Variants in PCP4 observed in about 807,000 individuals in gnomAD.
The protein encoded by PCP4 is Purkinje cell protein 4.
A neutral mutation model predicts 10.0 loss-of-function variants in PCP4; 8 were observed. The observed-to-expected ratio is 0.80, with a 90% CI of 0.47 to 1.45. The LOEUF (loss-of-function observed/expected upper bound fraction) is 1.45, where lower values mean the gene tolerates loss of function less well. Among genes scored for constraint, PCP4 ranks in the 40% most tolerant of loss-of-function variants. The pLI, the probability that PCP4 is intolerant of heterozygous loss-of-function variation, is 0.00. For missense variants in PCP4, 54 were observed against 74.4 expected (o/e 0.73, Z 1.01); for synonymous variants, 21 against 23.0 (o/e 0.91, Z 0.24).
chr21:39,873,488 T>C lies in PCP4; in HGVS notation c.9+5978T>C, dbSNP rs559294345. The stretch of plus-strand genomic sequence containing the variant: ...TATTTGAAATAGGAATATATGAAAA[T>C]TTATATGCAAAAAGGGATGGATTCA... On this transcript the variant is annotated intron_variant, in intron 1 of 2. Coordinates refer to ENST00000328619, the MANE Select transcript of PCP4 (RefSeq NM_006198.3). Among the ~76,000 whole-genome samples the C allele has an allele frequency of 1.2e-4, 19 of 152,204 alleles. 1 individual carries two copies. In the East Asian group the frequency reaches 3.7e-3, roughly 29 times the overall value.
intron 1 of PCP4, among the ~76,000 whole-genome samples, chr21:39,883,967 T>C (rs1331997784): frequency 2.0e-5 from 3 of 152,186 alleles, no homozygotes; most frequent in African/African-American, 7.2e-5. Flanking sequence ...TATATTGTTA[T>C]TCTCATGTAA....
At position 39,912,978 on chromosome 21, in the gene PCP4, T is replaced by C. The variant is rs377546927; in HGVS notation, c.61+14451T>C. 1.3e-3 allele frequency among the ~76,000 whole-genome samples: 201 copies of C among 152,312 alleles called. 5 individuals are homozygous for C. In the South Asian group the frequency reaches 0.039, roughly 30 times the overall value. On this transcript the variant is annotated intron_variant, in intron 2 of 2. Transcript: ENST00000328619. The stretch of plus-strand genomic sequence containing the variant: ...GCCTAGGCCTCCCAAAGTGAGGACA[T>C]TATTACTTGTTGCTTAAAACTAACA...
chr21:39,912,384 C>A (rs988134303), intron 2 of PCP4, among the ~76,000 whole-genome samples: 10 of 149,198 alleles, frequency 6.7e-5, no homozygotes, highest in African/African-American at 2.5e-4. Flanking sequence ...CAGAAAATTT[C>A]TTTCTGTCTT....
intron 1 of PCP4, among the ~76,000 whole-genome samples, chr21:39,890,090 C>T (rs1394617385): frequency 6.6e-6 from 1 of 152,198 alleles, no homozygotes; most frequent in Non-Finnish European, 1.5e-5. Context: ...TCCACTGCAG[C>T]ATTCTAGAAG....
At chr21:39,917,218 C>T (rs1819460827) in intron 2 of PCP4, among the ~76,000 whole-genome samples, 1 of 152,232 alleles carries the variant, frequency 6.6e-6, no homozygotes, top group South Asian at 2.1e-4. Context: ...TTGACTGCTC[C>T]TAATGTTGCC....
intron 1 of PCP4, among the ~76,000 whole-genome samples, chr21:39,893,832 C>T (rs1469907523): frequency 6.6e-6 from 1 of 152,166 alleles, no homozygotes; most frequent in Non-Finnish European, 1.5e-5. Context: ...GTGGAGGTCT[C>T]TGGAGATAAA....
intron 2 of PCP4, among the ~76,000 whole-genome samples, chr21:39,907,245 CAGCCTT>C: frequency 6.6e-6 from 1 of 152,142 alleles, no homozygotes; most frequent in Admixed American, 6.5e-5. Flanking sequence ...AGGGAAGAGT[CAGCCTT>C]GCAGCCCTGG....
chr21:39,919,458 G>T (rs1017257112), intron 2 of PCP4, among the ~76,000 whole-genome samples: 7 of 152,124 alleles, frequency 4.6e-5, no homozygotes, highest in African/African-American at 1.7e-4. Context: ...TTTATAGTAC[G>T]CTATGTGCTG....
intron 1 of PCP4, among the ~76,000 whole-genome samples, chr21:39,879,277 A>G (rs2087360586): frequency 6.6e-6 from 1 of 152,166 alleles, no homozygotes; most frequent in Non-Finnish European, 1.5e-5. Context: ...GCATTAAGCC[A>G]CCAATCCTGG....
chr21:39,888,314 G>T (rs1191195979), intron 1 of PCP4, among the ~76,000 whole-genome samples: 2 of 152,180 alleles, frequency 1.3e-5, no homozygotes, highest in African/African-American at 4.8e-5. Context: ...GGGAACGGGG[G>T]GCAAAATTTT....
Position 39,906,224 on chromosome 21 carries a change from A to C in PCP4, c.61+7697A>C, listed in dbSNP as rs920268472. Among the ~76,000 whole-genome samples, 10 of 152,142 alleles carry C rather than the reference A, an allele frequency of 6.6e-5. No homozygotes were observed. The highest frequency in any genetic ancestry group is 2.6e-4 in the Admixed American group (4 of 15,274). On this transcript the variant is annotated intron_variant, in intron 2 of 2. Transcript: ENST00000328619. This position sits in a 1 kb window ranked among gnomAD's most constrained non-coding sequence, Gnocchi z 6.3. Reference sequence around the variant, plus strand: ...AGTCCAAACACACCAGGTTGTCTCTATTTACACTTTCTCCTGACTTCCCTC... The same window carrying C: ...AGTCCAAACACACCAGGTTGTCTCTCTTTACACTTTCTCCTGACTTCCCTC...
At chr21:39,895,640 T>C (rs2087453281) in intron 1 of PCP4, among the ~76,000 whole-genome samples, 1 of 152,148 alleles carries the variant, frequency 6.6e-6, no homozygotes, top group Non-Finnish European at 1.5e-5. Flanking sequence ...ATATAATTGG[T>C]AAAGTGAGGC....
At chr21:39,914,552 G>A (rs1037208058) in intron 2 of PCP4, among the ~76,000 whole-genome samples, 6 of 140,458 alleles carry the variant, frequency 4.3e-5, no homozygotes, top group Non-Finnish European at 7.5e-5. Flanking sequence ...CTGCACTCCA[G>A]CCTGGGTGAC....
chr21:39,876,528 T>C (rs1448798285), intron 1 of PCP4, among the ~76,000 whole-genome samples: 1 of 152,188 alleles, frequency 6.6e-6, no homozygotes, highest in Non-Finnish European at 1.5e-5. Flanking sequence ...ATCCTCTTAA[T>C]GGAACATAAG....
intron 2 of PCP4, among the ~76,000 whole-genome samples, chr21:39,926,563 A>G (rs1206271648): frequency 1.3e-5 from 2 of 152,104 alleles, no homozygotes; most frequent in African/African-American, 4.8e-5. Flanking sequence ...TGGGAGTAGA[A>G]GGATTTGGGA....
At chr21:39,892,650 T>A (rs1166334091) in intron 1 of PCP4, among the ~76,000 whole-genome samples, 1 of 152,164 alleles carries the variant, frequency 6.6e-6, no homozygotes, top group Non-Finnish European at 1.5e-5. Context: ...CAATGTGAAA[T>A]AAATACATCA....
chr21:39,900,424 G>GT (rs1157005745), intron 2 of PCP4, among the ~76,000 whole-genome samples: 1 of 152,142 alleles, frequency 6.6e-6, no homozygotes, highest in African/African-American at 2.4e-5. Context: ...ATCTATTGAT[G>GT]TTTGTCATGC....
intron 2 of PCP4, among the ~76,000 whole-genome samples, chr21:39,900,543 G>A (rs1601181226): frequency 6.6e-6 from 1 of 152,060 alleles, no homozygotes; most frequent in South Asian, 2.1e-4. Flanking sequence ...GTCCAGTGGC[G>A]GTGGGCTGGA....
chr21:39,893,660 G>T (rs1028869001), intron 1 of PCP4, among the ~76,000 whole-genome samples: 13 of 152,222 alleles, frequency 8.5e-5, no homozygotes, highest in African/African-American at 2.9e-4. Context: ...CCTTAGATGG[G>T]TATGTAGCAT....
Sources: gnomAD v4.1 joint callset for allele counts (sites outside exome capture counted in the v4.1 genomes callset) on GRCh38, gnomAD v4.1.1 for gene constraint, Gnocchi (gnomAD v3.1) non-coding constraint, MANE v1.5 for transcripts, NCBI Gene and HGNC (gene_info 2026-07-23, HGNC 2026-07-21) for gene names.